Variants in VDAC1 observed in about 807,000 individuals in gnomAD.
VDAC1 encodes non-selective voltage-gated ion channel VDAC1.
VDAC1 carries 10 observed loss-of-function variants against 34.7 expected under a neutral mutation model. That is an observed-to-expected ratio of 0.29 (90% CI 0.18 to 0.49). VDAC1 has a LOEUF of 0.49. Ranked by LOEUF, VDAC1 falls within the 20% of genes least tolerant of loss-of-function variation. VDAC1 has a pLI of 0.99. For missense variants in VDAC1, 230 were observed against 347.9 expected (o/e 0.66, Z 2.69); for synonymous variants, 130 against 136.0 (o/e 0.96, Z 0.30).
chr5:134,074,719 A>G, the VDAC1 span, among the ~76,000 whole-genome samples: 1 of 152,074 alleles, frequency 6.6e-6, no homozygotes, highest in Admixed American at 6.6e-5. Context: ...TCCCTTTCCC[A>G]ATAGCACTTA....
At chr5:134,107,665 A>T in the VDAC1 span, among the ~76,000 whole-genome samples, 2 of 152,288 alleles carry the variant, frequency 1.3e-5, no homozygotes, top group South Asian at 4.1e-4. Flanking sequence ...TGCTCAGGCA[A>T]CAGATGCTAC....
intron 1 of VDAC1, among the ~76,000 whole-genome samples, chr5:133,996,310 C>G (rs529015243): frequency 6.6e-6 from 1 of 152,278 alleles, no homozygotes; most frequent in African/African-American, 2.4e-5. Flanking sequence ...GTCCCTGGTT[C>G]CCCTCCACAG....
chr5:134,056,101 C>A, the VDAC1 span, among the ~76,000 whole-genome samples: 2 of 151,870 alleles, frequency 1.3e-5, no homozygotes, highest in African/African-American at 4.8e-5. Flanking sequence ...AGTAGCTGGA[C>A]GTGGTGGCAT....
At chr5:133,990,201 G>T (rs1753051748) in intron 5 of VDAC1, among the ~76,000 whole-genome samples, 1 of 152,246 alleles carries the variant, frequency 6.6e-6, no homozygotes. Context: ...GTGGCCAGAA[G>T]GCCTGGGGAA....
At chr5:134,074,054 T>C in the VDAC1 span, among the ~76,000 whole-genome samples, 6 of 152,224 alleles carry the variant, frequency 3.9e-5, no homozygotes. Context: ...GGCTCACACC[T>C]GTAATCCCAG....
chr5:134,035,934 C>A, the VDAC1 span, among the ~76,000 whole-genome samples: 1 of 145,970 alleles, frequency 6.9e-6, no homozygotes, highest in East Asian at 2.1e-4. Context: ...TGGACCCTGG[C>A]GGCAGAGGTT....
the VDAC1 span, among the ~76,000 whole-genome samples, chr5:134,053,093 C>T: frequency 6.6e-6 from 1 of 151,734 alleles, no homozygotes; most frequent in Non-Finnish European, 1.5e-5. Flanking sequence ...CCAGCCTGGG[C>T]AACAAGAGTG....
the VDAC1 span, among the ~76,000 whole-genome samples, chr5:134,075,149 C>T: frequency 6.6e-6 from 1 of 152,228 alleles, no homozygotes; most frequent in East Asian, 1.9e-4. Flanking sequence ...TGGCCACATA[C>T]TAGTTACACT....
the VDAC1 span, among the ~76,000 whole-genome samples, chr5:134,090,889 G>T: frequency 6.6e-6 from 1 of 152,182 alleles, no homozygotes; most frequent in African/African-American, 2.4e-5. Context: ...TGAATCCCCA[G>T]CTGGGTGGTG....
At chr5:134,045,509 A>G in the VDAC1 span, among the ~76,000 whole-genome samples, 1 of 152,142 alleles carries the variant, frequency 6.6e-6, no homozygotes, top group African/African-American at 2.4e-5. Flanking sequence ...GGCTTAGGAC[A>G]TCATCCTCAT....
At chr5:134,100,985 T>G in the VDAC1 span, among the ~76,000 whole-genome samples, 1 of 152,270 alleles carries the variant, frequency 6.6e-6, no homozygotes, top group Non-Finnish European at 1.5e-5. Context: ...GGCTTCCTCC[T>G]TCTGATCCAT....
the VDAC1 span, among the ~76,000 whole-genome samples, chr5:134,016,078 C>G: frequency 5.3e-5 from 8 of 152,204 alleles, no homozygotes; most frequent in Admixed American, 2.0e-4. Context: ...CATGAGCCCC[C>G]ACACCTGGCC....
chr5:134,012,663 G>A, the VDAC1 span, among the ~76,000 whole-genome samples: 1 of 152,026 alleles, frequency 6.6e-6, no homozygotes. Flanking sequence ...TGTCCATACT[G>A]CCAAAAGCAA....
At chr5:134,067,313 G>A in the VDAC1 span, among the ~76,000 whole-genome samples, 21,845 of 150,894 alleles carry the variant, frequency 0.14, 1,838 homozygotes, top group East Asian at 0.28. Flanking sequence ...GACCTCAGGT[G>A]ACATGCCCAC....
chr5:134,020,173 C>A, the VDAC1 span, among the ~76,000 whole-genome samples: 31 of 152,016 alleles, frequency 2.0e-4, no homozygotes, highest in African/African-American at 7.2e-4. Context: ...TTTTCTAATG[C>A]CACTGTTTCG....
chr5:134,046,879 T>C, the VDAC1 span, among the ~76,000 whole-genome samples: 5 of 152,210 alleles, frequency 3.3e-5, no homozygotes, highest in African/African-American at 9.6e-5. Context: ...TCTTCTCATC[T>C]GTAAAGTGGA....
At chr5:133,973,723 A>C in intron 8 of VDAC1, 68 bp downstream of exon 8, 1 of 1,447,776 alleles carries the variant, frequency 6.9e-7, no homozygotes, top group Non-Finnish European at 9.6e-7. Flanking sequence ...GCAATGACAT[A>C]AATCAGCAAA....
the VDAC1 span, among the ~76,000 whole-genome samples, chr5:134,101,909 A>G: frequency 1.3e-5 from 2 of 152,204 alleles, no homozygotes; most frequent in South Asian, 2.1e-4. Flanking sequence ...CTTCATTCCA[A>G]GAGACACCCT....
the VDAC1 span, among the ~76,000 whole-genome samples, chr5:134,011,707 T>C: frequency 8.3e-4 from 125 of 151,082 alleles, no homozygotes; most frequent in Middle Eastern, 3.4e-3. Context: ...TGGCGTGATC[T>C]CAGCTCACTG....
Sources: allele counts gnomAD v4.1 joint callset (sites outside exome capture counted in the v4.1 genomes callset), GRCh38; gene constraint gnomAD v4.1.1; transcripts MANE v1.5; gene names NCBI Gene and HGNC (gene_info 2026-07-23, HGNC 2026-07-21).